The following TOGARAM2 variants were observed in gnomAD, a reference collection of about 807,000 sequenced individuals.
TOGARAM2 encodes TOG array regulator of axonemal microtubules protein 2.
Under a neutral mutation model 93.3 loss-of-function variants are expected in TOGARAM2, and 85 were observed. The ratio of observed to expected loss-of-function variants is 0.91; its 90% confidence interval spans 0.76 to 1.09. The LOEUF is 1.09. Among genes scored for constraint, TOGARAM2 ranks in the 50% least tolerant of loss-of-function variants. The pLI is 0.00. For missense variants in TOGARAM2, 1,277 were observed against 1,334.5 expected (o/e 0.96, Z 0.67); for synonymous variants, 593 against 552.8 (o/e 1.07, Z -1.02).
intron 1 of TOGARAM2, among the ~76,000 whole-genome samples, chr2:28,968,120 A>G (rs1411168953): frequency 6.6e-6 from 1 of 152,106 alleles, no homozygotes; most frequent in Non-Finnish European, 1.5e-5. Context: ...CGCTGGGCCA[A>G]TAAGATGGTC....
At position 29,017,834 on chromosome 2, in the gene TOGARAM2, C is replaced by T. The variant is rs769650061; in HGVS notation, c.1238C>T (p.Thr413Ile). 7 of 1,613,316 alleles carry T rather than the reference C, an allele frequency of 4.3e-6. No individual in the cohort carries two copies. Among genetic ancestry groups the T allele is most frequent in the African/African-American group, 4.0e-5 (3 of 74,942 alleles). Residue 413 changes from threonine (T) to isoleucine (I), a missense_variant, in exon 10 of 20, where the codon ACT becomes ATT. Physicochemically the swap from Thr to Ile is moderately conservative, Grantham distance 89. Coordinates refer to ENST00000379558, the MANE Select transcript of TOGARAM2 (RefSeq NM_199280.4). ...LRGSGTLSVP[T>I]RLSGPCRNDV... ...GGCAGCGGGACACTGTCTGTGCCCACTAGGCTGAGCGGCCCATGCAGAAAC... is the reference window on the plus strand; with the variant it reads ...GGCAGCGGGACACTGTCTGTGCCCATTAGGCTGAGCGGCCCATGCAGAAAC...
intron 12 of TOGARAM2, 107 bp downstream of exon 12, chr2:29,023,298 C>T (rs13018233): frequency 4.0e-5 from 36 of 897,754 alleles, no homozygotes; most frequent in African/African-American, 6.8e-5. Flanking sequence ...ATGGGGATCC[C>T]TGCTTATTTC....
At chr2:29,001,377 C>G (rs1673288224) in intron 4 of TOGARAM2, among the ~76,000 whole-genome samples, 1 of 151,882 alleles carries the variant, frequency 6.6e-6, no homozygotes, top group South Asian at 2.1e-4. Context: ...GAGTCTCGCT[C>G]TGTCACCCAG....
chr2:28,988,009 G>T (rs142503086), intron 1 of TOGARAM2, among the ~76,000 whole-genome samples: 1 of 152,186 alleles, frequency 6.6e-6, no homozygotes, highest in East Asian at 1.9e-4. Context: ...AGGAGTGGCC[G>T]AGTTGAGGGT....
At chr2:29,038,004 G>A (rs542175925) in intron 18 of TOGARAM2, among the ~76,000 whole-genome samples, 7 of 152,168 alleles carry the variant, frequency 4.6e-5, no homozygotes, top group Non-Finnish European at 1.0e-4. Flanking sequence ...TCCCCCTCCA[G>A]GTGTTTTAGT....
In TOGARAM2 at chr2:29,051,964, G is replaced by T. The variant is rs1480606133; in HGVS notation, c.2931G>T (p.Lys977Asn). The T allele has an allele frequency of 1.2e-6, 2 of 1,611,846 alleles. No individual in the cohort carries two copies. Among genetic ancestry groups the T allele is most frequent in the Non-Finnish European group, 1.7e-6 (2 of 1,179,226 alleles). ...RLLDFAASQPKHVLKTLQELL... is the reference protein window; with the variant it reads ...RLLDFAASQPNHVLKTLQELL... ...TGGACTTTGCCGCCAGCCAGCCAAA[G>T]CACGTCCTCAAGACGCTCCAGGAAC... Residue 977 changes from lysine to asparagine, a missense_variant, in exon 20 of 20, where the codon AAG becomes AAT. By Grantham distance (94) the Lys-to-Asn change is moderately conservative. Transcript: ENST00000379558.
At chr2:28,983,299 C>T (rs1489198091) in intron 1 of TOGARAM2, among the ~76,000 whole-genome samples, 1 of 122,970 alleles carries the variant, frequency 8.1e-6, no homozygotes, top group Non-Finnish European at 1.7e-5. Flanking sequence ...CCTGCCTTGG[C>T]CTCCCAAAGT....
At chr2:29,040,537 G>T (rs1025109465) in intron 18 of TOGARAM2, among the ~76,000 whole-genome samples, 6 of 152,200 alleles carry the variant, frequency 3.9e-5, no homozygotes, top group Non-Finnish European at 2.9e-5. Context: ...GACACAATGA[G>T]TGTGTGTTCT....
At chr2:28,993,594 T>C (rs916137826) in intron 1 of TOGARAM2, among the ~76,000 whole-genome samples, 6 of 152,094 alleles carry the variant, frequency 3.9e-5, no homozygotes, top group Non-Finnish European at 8.8e-5. Flanking sequence ...AAACAGAGAG[T>C]TCCCCTCTCC....
At chr2:28,990,281 T>C (rs769741133) in intron 1 of TOGARAM2, among the ~76,000 whole-genome samples, 1 of 152,232 alleles carries the variant, frequency 6.6e-6, no homozygotes, top group African/African-American at 2.4e-5. Context: ...ATGTCAGTGC[T>C]GTAATTCTCT....
chr2:29,043,067 C>T (rs540212102), intron 18 of TOGARAM2, among the ~76,000 whole-genome samples: 1 of 152,258 alleles, frequency 6.6e-6, no homozygotes, highest in South Asian at 2.1e-4. Context: ...AAATCTGAGC[C>T]CAGGTAAATG....
At chr2:29,011,588 G>A (rs1016518468) in intron 7 of TOGARAM2, 87 bp downstream of exon 7, 2 of 1,278,400 alleles carry the variant, frequency 1.6e-6, no homozygotes, top group African/African-American at 3.1e-5. Flanking sequence ...AGGGCCAGAG[G>A]AGATCTGAGA....
intron 1 of TOGARAM2, among the ~76,000 whole-genome samples, chr2:28,990,331 A>G (rs749250572): frequency 6.6e-6 from 1 of 152,052 alleles, no homozygotes; most frequent in Non-Finnish European, 1.5e-5. Flanking sequence ...CCAAGGCCCC[A>G]CTTGAGGGGT....
At chr2:28,990,972 A>AATGTGTGTGTGTGTGAAGGGT in intron 1 of TOGARAM2, among the ~76,000 whole-genome samples, 1 of 131,916 alleles carries the variant, frequency 7.6e-6, no homozygotes, top group African/African-American at 2.9e-5. Flanking sequence ...TGGACATGCG[A>AATGTGTGTGTGTGTGAAGGGT]GTGTGTGTGT....
intron 5 of TOGARAM2, 92 bp downstream of exon 5, chr2:29,002,839 C>A: frequency 1.6e-6 from 2 of 1,228,432 alleles, no homozygotes; most frequent in Non-Finnish European, 2.3e-6. Flanking sequence ...ACCCCTGACT[C>A]CATGCCCTGA....
At chr2:29,042,898 T>C (rs1001797832) in intron 18 of TOGARAM2, among the ~76,000 whole-genome samples, 1 of 152,260 alleles carries the variant, frequency 6.6e-6, no homozygotes, top group African/African-American at 2.4e-5. Context: ...ACGACTGTGA[T>C]AACAAGTGGA....
intron 6 of TOGARAM2, 105 bp from the exon 7 acceptor site, chr2:29,011,350 C>A: frequency 2.2e-6 from 2 of 925,420 alleles, no homozygotes; most frequent in South Asian, 3.0e-5. Context: ...CCCCTCTGTC[C>A]CCCATCTCGG....
intron 13 of TOGARAM2, among the ~76,000 whole-genome samples, chr2:29,025,102 G>T (rs552596833): frequency 6.6e-6 from 1 of 152,190 alleles, no homozygotes; most frequent in East Asian, 1.9e-4. Context: ...AGCCCCAGGG[G>T]CCTGTTGGAC....
upstream of TOGARAM2, among the ~76,000 whole-genome samples, chr2:28,978,283 C>T (rs181718570): frequency 3.0e-4 from 46 of 151,826 alleles, no homozygotes; most frequent in African/African-American, 1.1e-3. Context: ...TGAACAAAGG[C>T]CAGGAGAGGA....
Sources: allele counts gnomAD v4.1 joint callset (sites outside exome capture counted in the v4.1 genomes callset), GRCh38; gene constraint gnomAD v4.1.1; transcripts MANE v1.5; gene names NCBI Gene and HGNC (gene_info 2026-07-23, HGNC 2026-07-21).